Variants in FARS2 observed in about 807,000 individuals in gnomAD.
FARS2 encodes the protein phenylalanyl-tRNA synthetase 2, mitochondrial.
In FARS2, 40 loss-of-function variants were observed where a neutral mutation model predicts 46.4. The observed-to-expected ratio is 0.86, with a 90% CI of 0.67 to 1.12. FARS2 has a LOEUF of 1.12. FARS2 is among the 50% of genes most tolerant of loss of function. The pLI, the probability that FARS2 is intolerant of heterozygous loss-of-function variation, is 0.00. For missense variants in FARS2, 513 were observed against 567.9 expected (o/e 0.90, Z 0.98); for synonymous variants, 234 against 214.9 (o/e 1.09, Z -0.78).
At chr6:5,268,825 C>T (rs918040389) in intron 1 of FARS2, among the ~76,000 whole-genome samples, 7 of 152,076 alleles carry the variant, frequency 4.6e-5, no homozygotes, top group Non-Finnish European at 1.5e-5. Flanking sequence ...TTGATTCTTC[C>T]TATCCATGAG....
intron 1 of FARS2, among the ~76,000 whole-genome samples, chr6:5,324,258 AAGAG>A (rs532647292): frequency 3.2e-4 from 49 of 152,278 alleles, no homozygotes; most frequent in African/African-American, 1.1e-3. Flanking sequence ...AATTATTTAG[AAGAG>A]AGAGAATCAT....
intron 6 of FARS2, among the ~76,000 whole-genome samples, chr6:5,658,377 A>G (rs1777699782): frequency 6.6e-6 from 1 of 152,208 alleles, no homozygotes; most frequent in South Asian, 2.1e-4. Flanking sequence ...TGGAAGCATT[A>G]ACACATAATC....
intron 5 of FARS2, among the ~76,000 whole-genome samples, chr6:5,602,323 C>G (rs1052662880): frequency 6.6e-6 from 1 of 152,080 alleles, no homozygotes; most frequent in African/African-American, 2.4e-5. Flanking sequence ...TTCATGGGAG[C>G]TGAAGAATTT....
At chr6:5,576,926 AT>A (rs1773020709) in intron 5 of FARS2, among the ~76,000 whole-genome samples, 1 of 151,752 alleles carries the variant, frequency 6.6e-6, no homozygotes, top group South Asian at 2.1e-4. Flanking sequence ...TGTCTCCATG[AT>A]TCTTAGACAG....
chr6:5,627,255 G>T (rs1171768991), intron 6 of FARS2, among the ~76,000 whole-genome samples: 1 of 152,180 alleles, frequency 6.6e-6, no homozygotes, highest in Non-Finnish European at 1.5e-5. Context: ...ATACTTCTCG[G>T]GAATGAAGGC....
chr6:5,465,976 A>G (rs981461002), intron 4 of FARS2, among the ~76,000 whole-genome samples: 4 of 152,140 alleles, frequency 2.6e-5, no homozygotes, highest in Non-Finnish European at 4.4e-5. Context: ...TATTTTTAAC[A>G]TACCTCAATA....
chr6:5,324,620 GA>G (rs1001507586), intron 1 of FARS2, among the ~76,000 whole-genome samples: 12 of 151,822 alleles, frequency 7.9e-5, no homozygotes, highest in African/African-American at 2.9e-4. Flanking sequence ...GCCCTTTTGT[GA>G]GGTAAATTTC....
chr6:5,297,789 G>A (rs752107993), intron 1 of FARS2, among the ~76,000 whole-genome samples: 7 of 151,998 alleles, frequency 4.6e-5, no homozygotes, highest in Non-Finnish European at 7.4e-5. Context: ...TTAAAACATC[G>A]TCTTTAAAAA....
chr6:5,560,295 A>C (rs1771915073), intron 5 of FARS2, among the ~76,000 whole-genome samples: 1 of 152,168 alleles, frequency 6.6e-6, no homozygotes, highest in Admixed American at 6.5e-5. Flanking sequence ...GCTAAAATTT[A>C]TTAAATCTGT....
At chr6:5,491,476 C>G (rs1340504814) in intron 4 of FARS2, among the ~76,000 whole-genome samples, 1 of 152,074 alleles carries the variant, frequency 6.6e-6, no homozygotes, top group Non-Finnish European at 1.5e-5. Context: ...AAAGTGACGT[C>G]GAGTTAAGAA....
At chr6:5,476,557 G>A (rs542751128) in intron 4 of FARS2, among the ~76,000 whole-genome samples, 6 of 136,968 alleles carry the variant, frequency 4.4e-5, no homozygotes, top group Admixed American at 4.3e-4. Flanking sequence ...TGAATGAATG[G>A]AGTGAGGGAG....
At chr6:5,503,763 A>T (rs1317565521) in intron 4 of FARS2, among the ~76,000 whole-genome samples, 4 of 152,152 alleles carry the variant, frequency 2.6e-5, no homozygotes, top group African/African-American at 4.8e-5. Context: ...TTTTTTCAAT[A>T]CTGAAGTTAA....
At chr6:5,386,728 G>C (rs988860460) in intron 2 of FARS2, among the ~76,000 whole-genome samples, 1 of 152,210 alleles carries the variant, frequency 6.6e-6, no homozygotes, top group Non-Finnish European at 1.5e-5. Flanking sequence ...CATTCACAGA[G>C]TTAGGGGTCT....
chr6:5,364,323 T>C (rs2127633209), intron 1 of FARS2, among the ~76,000 whole-genome samples: 1 of 152,338 alleles, frequency 6.6e-6, no homozygotes, highest in African/African-American at 2.4e-5. Flanking sequence ...GGATGATACA[T>C]GGCACCTAAG....
At chr6:5,549,103 G>T (rs1469506554) in intron 5 of FARS2, among the ~76,000 whole-genome samples, 1 of 151,518 alleles carries the variant, frequency 6.6e-6, no homozygotes, top group Non-Finnish European at 1.5e-5. Context: ...CACCCAACTG[G>T]GCTAAAGTTA....
chr6:5,610,815 C>A (rs1022955066), intron 5 of FARS2, among the ~76,000 whole-genome samples: 1 of 152,344 alleles, frequency 6.6e-6, no homozygotes, highest in African/African-American at 2.4e-5. Context: ...GTGGCTTTGC[C>A]TGTCCAGCTT....
intron 4 of FARS2, among the ~76,000 whole-genome samples, chr6:5,481,810 A>T (rs1159576926): frequency 6.6e-6 from 1 of 151,454 alleles, no homozygotes; most frequent in Non-Finnish European, 1.5e-5. Context: ...TGTTAAAAAG[A>T]CCCCCCTTGC....
At chr6:5,675,277 C>T (rs898675769) in intron 6 of FARS2, among the ~76,000 whole-genome samples, 4 of 151,990 alleles carry the variant, frequency 2.6e-5, no homozygotes, top group African/African-American at 9.7e-5. Flanking sequence ...TGTGTGCTGT[C>T]AGTCCATACA....
intron 4 of FARS2, among the ~76,000 whole-genome samples, chr6:5,537,018 A>G (rs1389036987): frequency 1.3e-5 from 2 of 152,212 alleles, no homozygotes; most frequent in Admixed American, 1.3e-4. Flanking sequence ...GACTGATGAA[A>G]GTATAATGGT....
Sources: gnomAD v4.1 joint callset for allele counts (sites outside exome capture counted in the v4.1 genomes callset) on GRCh38, gnomAD v4.1.1 for gene constraint, MANE v1.5 for transcripts, NCBI Gene and HGNC (gene_info 2026-07-23, HGNC 2026-07-21) for gene names.